VDAC1: variants seen among roughly 807,000 people sequenced by gnomAD.
VDAC1 encodes voltage dependent anion channel 1, also known as non-selective voltage-gated ion channel VDAC1.
VDAC1 carries 10 observed loss-of-function variants against 34.7 expected under a neutral mutation model. The observed-to-expected ratio is 0.29, with a 90% confidence interval of 0.18 to 0.49. The LOEUF is 0.49. Ranked by LOEUF, VDAC1 falls within the 20% of genes least tolerant of loss-of-function variation. VDAC1 has a pLI of 0.99. For synonymous variants in VDAC1, 130 were observed against 136.0 expected (o/e 0.96, Z 0.30); for missense variants, 230 against 347.9 (o/e 0.66, Z 2.69).
At chr5:134,095,277 T>C in the VDAC1 span, among the ~76,000 whole-genome samples, 1 of 151,770 alleles carries the variant, frequency 6.6e-6, no homozygotes, top group Non-Finnish European at 1.5e-5. Context: ...ATGCCAGGAG[T>C]TCGAGACCAG....
At chr5:134,108,825 C>T in the VDAC1 span, among the ~76,000 whole-genome samples, 1 of 152,248 alleles carries the variant, frequency 6.6e-6, no homozygotes, top group South Asian at 2.1e-4. Context: ...TCCCAGGGAC[C>T]CTATGGGGTC....
the VDAC1 span, among the ~76,000 whole-genome samples, chr5:134,067,179 G>A: frequency 2.9e-3 from 444 of 150,962 alleles, 4 homozygotes; most frequent in Admixed American, 5.9e-3. Flanking sequence ...GGGTTCAAGC[G>A]ATTCTCCTAC....
the VDAC1 span, among the ~76,000 whole-genome samples, chr5:134,052,074 G>T: frequency 1.3e-5 from 2 of 152,116 alleles, no homozygotes; most frequent in Non-Finnish European, 2.9e-5. Context: ...CCTGAAGCAG[G>T]TCATAACCCC....
At chr5:134,084,590 T>C in the VDAC1 span, among the ~76,000 whole-genome samples, 3,031 of 152,334 alleles carry the variant, frequency 0.02, 88 homozygotes, top group African/African-American at 0.069. Context: ...CCTGGCTACC[T>C]CCAGCCTGCT....
At chr5:134,054,139 A>G in the VDAC1 span, among the ~76,000 whole-genome samples, 197 of 152,330 alleles carry the variant, frequency 1.3e-3, 2 homozygotes, top group African/African-American at 4.5e-3. Context: ...GGTGTCTTTT[A>G]ATTAAGTCGG....
At chr5:134,035,847 A>T in the VDAC1 span, among the ~76,000 whole-genome samples, 1 of 152,008 alleles carries the variant, frequency 6.6e-6, no homozygotes, top group East Asian at 1.9e-4. Context: ...TCTACTAAAA[A>T]CTACAAAAAT....
At chr5:134,002,963 C>CT (rs1753616848) in intron 1 of VDAC1, among the ~76,000 whole-genome samples, 1 of 99,890 alleles carries the variant, frequency 1.0e-5, no homozygotes, top group Admixed American at 1.1e-4. Flanking sequence ...AAGACCCTGT[C>CT]TCAAAAAAAA....
chr5:133,982,755 T>C (rs1164482679), intron 5 of VDAC1, among the ~76,000 whole-genome samples: 1 of 151,208 alleles, frequency 6.6e-6, no homozygotes. Flanking sequence ...CTGGGTGTGG[T>C]GGCACATGCC....
At chr5:134,001,481 C>A (rs1753550161) in intron 1 of VDAC1, among the ~76,000 whole-genome samples, 1 of 152,064 alleles carries the variant, frequency 6.6e-6, no homozygotes, top group Non-Finnish European at 1.5e-5. Context: ...CTTTAGGAGG[C>A]CGAGGCGGGT....
chr5:134,080,837 TATTAATTTTA>T, the VDAC1 span, among the ~76,000 whole-genome samples: 107 of 152,284 alleles, frequency 7.0e-4, no homozygotes, highest in Non-Finnish European at 1.1e-3. Flanking sequence ...TTTCTCTAGA[TATTAATTTTA>T]ATTATTTTAA....
chr5:134,014,847 C>T, the VDAC1 span, among the ~76,000 whole-genome samples: 2 of 152,240 alleles, frequency 1.3e-5, no homozygotes, highest in East Asian at 3.9e-4. Context: ...ACTTGGGCAA[C>T]AGAGTGAGAC....
the VDAC1 span, among the ~76,000 whole-genome samples, chr5:134,073,101 G>T: frequency 6.6e-6 from 1 of 152,094 alleles, no homozygotes; most frequent in African/African-American, 2.4e-5. Flanking sequence ...CATCTGACCC[G>T]GCAGCCCTGT....
the VDAC1 span, among the ~76,000 whole-genome samples, chr5:134,103,226 A>G: frequency 6.6e-6 from 1 of 152,162 alleles, no homozygotes; most frequent in Non-Finnish European, 1.5e-5. Context: ...GGCTCAAGCC[A>G]TCCGCCCACC....
At chr5:134,046,462 T>C in the VDAC1 span, among the ~76,000 whole-genome samples, 2 of 152,318 alleles carry the variant, frequency 1.3e-5, no homozygotes, top group Non-Finnish European at 2.9e-5. Context: ...TGAGCCACCA[T>C]GCCTGGCCCT....
the VDAC1 span, among the ~76,000 whole-genome samples, chr5:134,052,694 A>G: frequency 6.6e-6 from 1 of 152,166 alleles, no homozygotes; most frequent in East Asian, 1.9e-4. Flanking sequence ...TCCCTCCCCT[A>G]TTCAGTCCAC....
chr5:134,105,319 G>A, the VDAC1 span, among the ~76,000 whole-genome samples: 2 of 152,314 alleles, frequency 1.3e-5, no homozygotes, highest in African/African-American at 4.8e-5. Context: ...AACAGGGCGA[G>A]CTCTCTGTAG....
chr5:134,071,369 C>G, the VDAC1 span, among the ~76,000 whole-genome samples: 1 of 152,242 alleles, frequency 6.6e-6, no homozygotes, highest in Admixed American at 6.5e-5. This position sits in a 1 kb window ranked among gnomAD's most constrained non-coding sequence, Gnocchi z 4.1. Context: ...AGGGACTCGC[C>G]CCTTCCCCCC....
the VDAC1 span, among the ~76,000 whole-genome samples, chr5:134,049,226 A>C: frequency 6.6e-6 from 1 of 152,174 alleles, no homozygotes; most frequent in Non-Finnish European, 1.5e-5. Flanking sequence ...ACAGCATTTA[A>C]AATGATTTCA....
the VDAC1 span, among the ~76,000 whole-genome samples, chr5:134,059,925 C>T: frequency 6.8e-6 from 1 of 146,874 alleles, no homozygotes; most frequent in Non-Finnish European, 1.6e-5. Context: ...GGCAGAGGCC[C>T]AGGGAGACTG....
Sources: gnomAD v4.1 joint callset for allele counts (sites outside exome capture counted in the v4.1 genomes callset) on GRCh38, gnomAD v4.1.1 for gene constraint, Gnocchi (gnomAD v3.1) non-coding constraint, MANE v1.5 for transcripts, NCBI Gene and HGNC (gene_info 2026-07-23, HGNC 2026-07-21) for gene names.